The following DPP10 variants were observed in gnomAD, a reference collection of about 807,000 sequenced individuals.
DPP10 encodes the protein inactive dipeptidyl peptidase 10.
A neutral mutation model predicts 120.9 loss-of-function variants in DPP10; 33 were observed. The observed-to-expected ratio is 0.27, with a 90% CI of 0.21 to 0.37. The LOEUF is 0.37. DPP10 is among the 10% of genes least tolerant of loss of function. The pLI is 1.00. For synonymous variants in DPP10, 337 were observed against 326.1 expected (o/e 1.03, Z -0.36); for missense variants, 816 against 942.8 (o/e 0.87, Z 1.76).
intron 3 of DPP10, among the ~76,000 whole-genome samples, chr2:115,412,758 C>T (rs1257082714): frequency 1.3e-5 from 2 of 151,954 alleles, no homozygotes; most frequent in Admixed American, 1.3e-4. Context: ...TTTTAGATGT[C>T]GTTTGAGAGA....
intron 1 of DPP10, among the ~76,000 whole-genome samples, chr2:115,053,682 T>C (rs1705683537): frequency 6.6e-6 from 1 of 152,228 alleles, no homozygotes; most frequent in South Asian, 2.1e-4. Flanking sequence ...CATACTAATA[T>C]GGAAAACAAT....
chr2:115,018,323 A>G (rs183618838), intron 1 of DPP10, among the ~76,000 whole-genome samples: 4 of 152,338 alleles, frequency 2.6e-5, no homozygotes, highest in Admixed American at 2.6e-4. Context: ...ATCTAGAACA[A>G]GAAATACCAT....
At chr2:114,517,971 T>C (rs1489511224) in intron 1 of DPP10, among the ~76,000 whole-genome samples, 1 of 152,190 alleles carries the variant, frequency 6.6e-6, no homozygotes, top group East Asian at 1.9e-4. Flanking sequence ...GTCATTTCAT[T>C]TGTAGAGTCT....
chr2:114,752,650 C>G (rs1398735982), intron 1 of DPP10, among the ~76,000 whole-genome samples: 2 of 152,288 alleles, frequency 1.3e-5, no homozygotes, highest in Non-Finnish European at 1.5e-5. Flanking sequence ...GACTGTCCTG[C>G]AGGGCTGTTA....
chr2:115,680,962 A>T (rs1166168657), intron 5 of DPP10, among the ~76,000 whole-genome samples: 1 of 151,936 alleles, frequency 6.6e-6, no homozygotes, highest in Non-Finnish European at 1.5e-5. Context: ...ATTCAAGCTC[A>T]ATCATAAACT....
intron 1 of DPP10, among the ~76,000 whole-genome samples, chr2:114,461,284 T>G (rs1678898748): frequency 6.6e-6 from 1 of 152,168 alleles, no homozygotes; most frequent in Admixed American, 6.5e-5. Context: ...GCCCCCAGTT[T>G]CTTAATGAGC....
chr2:115,536,479 ATCTG>A (rs1222495015), intron 5 of DPP10, among the ~76,000 whole-genome samples: 1 of 152,018 alleles, frequency 6.6e-6, no homozygotes, highest in South Asian at 2.1e-4. Context: ...ACTAATAAAT[ATCTG>A]TCTTTGTTTA....
intron 1 of DPP10, among the ~76,000 whole-genome samples, chr2:115,272,973 T>A (rs1327549689): frequency 6.6e-6 from 1 of 152,234 alleles, no homozygotes; most frequent in Non-Finnish European, 1.5e-5. Context: ...AACATGCTAT[T>A]ATTGCTTAGG....
At chr2:115,143,264 T>C (rs1233435781) in intron 1 of DPP10, among the ~76,000 whole-genome samples, 1 of 152,166 alleles carries the variant, frequency 6.6e-6, no homozygotes, top group East Asian at 1.9e-4. Flanking sequence ...CATTTATACC[T>C]ACTGGTAAAG....
At chr2:114,458,739 T>A (rs1411864480) in intron 1 of DPP10, among the ~76,000 whole-genome samples, 1 of 152,202 alleles carries the variant, frequency 6.6e-6, no homozygotes, top group Non-Finnish European at 1.5e-5. Context: ...AAAGTATTTT[T>A]AAAAATAATA....
At chr2:114,523,752 C>G (rs994667082) in intron 1 of DPP10, among the ~76,000 whole-genome samples, 15 of 152,038 alleles carry the variant, frequency 9.9e-5, no homozygotes, top group African/African-American at 3.6e-4. Context: ...AGAGGGTCAG[C>G]CTCTTTAGCT....
At chr2:114,966,349 C>T (rs1699030197) in intron 1 of DPP10, among the ~76,000 whole-genome samples, 1 of 152,008 alleles carries the variant, frequency 6.6e-6, no homozygotes, top group Non-Finnish European at 1.5e-5. Context: ...AGAGTAATGC[C>T]CTCCTGCAGG....
At chr2:115,675,760 T>G (rs2149455601) in intron 5 of DPP10, among the ~76,000 whole-genome samples, 1 of 152,214 alleles carries the variant, frequency 6.6e-6, no homozygotes, top group South Asian at 2.1e-4. Flanking sequence ...GAAAAAAAAT[T>G]AATGCTAGAT....
intron 4 of DPP10, among the ~76,000 whole-genome samples, chr2:115,516,238 A>G (rs920707559): frequency 4.6e-5 from 7 of 152,140 alleles, no homozygotes; most frequent in East Asian, 3.9e-4. Context: ...TGCTCAAGAC[A>G]TTGAATCTGG....
intron 3 of DPP10, among the ~76,000 whole-genome samples, chr2:115,485,585 TCTTA>T (rs3039991): frequency 0.28 from 42,248 of 151,798 alleles, 6,582 homozygotes; most frequent in East Asian, 0.42. Context: ...TTTAATTAAG[TCTTA>T]CTTTATGGTT....
At chr2:115,676,069 C>G (rs1211505798) in intron 5 of DPP10, among the ~76,000 whole-genome samples, 3 of 152,158 alleles carry the variant, frequency 2.0e-5, no homozygotes, top group Non-Finnish European at 4.4e-5. Flanking sequence ...TGCATATTCC[C>G]CAGAGCCTTC....
chr2:115,095,876 T>A (rs776448090), intron 1 of DPP10, among the ~76,000 whole-genome samples: 12 of 152,120 alleles, frequency 7.9e-5, no homozygotes, highest in Non-Finnish European at 1.8e-4. Context: ...TATTAAGTGG[T>A]GTAATAGTAA....
rs1315890182 is a variant in DPP10 at position 115,762,601 on chromosome 2, C to G, written c.1104C>G (p.Leu368=). The G allele has an allele frequency of 3.1e-6, 5 of 1,613,442 alleles. No homozygotes were observed. Among genetic ancestry groups the G allele is most frequent in the East Asian group, 2.2e-5 (1 of 44,854 alleles). ...ATGAGATGACATCAGATACGTGGCT[C>G]TCTCAGCAGGTACAGTATAGGTGGT... ...KKYEMTSDTW[L]SQQNEEPVFS... The change falls in exon 12 of 26, where the codon CTC becomes CTG. Residue 368 remains leucine (L), a synonymous_variant. Transcript: ENST00000410059.
chr2:114,652,941 G>A (rs1165348526), intron 1 of DPP10, among the ~76,000 whole-genome samples: 2 of 151,074 alleles, frequency 1.3e-5, no homozygotes, highest in Non-Finnish European at 2.9e-5. Flanking sequence ...TAGATGCCAG[G>A]CTACCACCAA....
Sources: gnomAD v4.1 joint callset for allele counts (sites outside exome capture counted in the v4.1 genomes callset) on GRCh38, gnomAD v4.1.1 for gene constraint, MANE v1.5 for transcripts, NCBI Gene and HGNC (gene_info 2026-07-23, HGNC 2026-07-21) for gene names.